Variants in CACNA1E observed in about 807,000 individuals in gnomAD.
CACNA1E encodes the protein calcium voltage-gated channel subunit alpha1 E.
Under a neutral mutation model 259.2 loss-of-function variants are expected in CACNA1E, and 40 were observed. The observed-to-expected ratio is 0.15, with a 90% CI of 0.12 to 0.20. CACNA1E has a LOEUF of 0.20. Among genes scored for constraint, CACNA1E ranks in the 10% least tolerant of loss-of-function variants. CACNA1E has a pLI of 1.00. For missense variants in CACNA1E, 1,874 were observed against 3,040.1 expected, an observed-to-expected ratio of 0.62 and a Z score of 9.02; for synonymous variants, 1,104 against 1,138.5, an observed-to-expected ratio of 0.97 and a Z score of 0.61.
intron 1 of CACNA1E, among the ~76,000 whole-genome samples, chr1:181,411,331 AGGT>A (rs1657825835): frequency 6.6e-6 from 1 of 152,196 alleles, no homozygotes; most frequent in South Asian, 2.1e-4. Context: ...TCACTTGGGC[AGGT>A]CCATGAGGCG....
At position 181,717,023 on chromosome 1, in the gene CACNA1E, C is replaced by T. The variant is rs1201304663; in HGVS notation, c.1316-70C>T. 2.9e-6 allele frequency: 4 copies of T among 1,365,766 alleles called. No individual in the cohort carries two copies. In the African/African-American group the frequency reaches 5.8e-5, roughly 20 times the overall value. 84.6% of individuals were successfully genotyped at this position (1,365,766 alleles called of 1,614,324 possible). On this transcript the variant is annotated intron_variant, in intron 10 of 47. Coordinates refer to ENST00000367573, the MANE Select transcript of CACNA1E (RefSeq NM_001205293.3). ...TGGGACTAGAGCAGCCCATCTTGCCCTTCGAATGCTCCCTGGCCCGGACCA... is the reference window on the plus strand; with the variant it reads ...TGGGACTAGAGCAGCCCATCTTGCCTTTCGAATGCTCCCTGGCCCGGACCA...
At chr1:181,583,012 C>CTATT (rs1351883758) in intron 6 of CACNA1E, among the ~76,000 whole-genome samples, 6 of 151,910 alleles carry the variant, frequency 3.9e-5, no homozygotes, top group Non-Finnish European at 8.8e-5. Flanking sequence ...AGGCCTCCTG[C>CTATT]TATTCTGATG....
intron 1 of CACNA1E, among the ~76,000 whole-genome samples, chr1:181,487,950 G>A (rs1391832756): frequency 6.6e-6 from 1 of 152,196 alleles, no homozygotes. Context: ...ACAGTAGGAA[G>A]GTCAAATATG....
intron 2 of CACNA1E, among the ~76,000 whole-genome samples, chr1:181,421,363 G>A (rs1046583778): frequency 6.6e-6 from 1 of 152,128 alleles, no homozygotes; most frequent in Non-Finnish European, 1.5e-5. Flanking sequence ...TAGTCTGGTG[G>A]GGGGTCCTCA....
intron 6 of CACNA1E, among the ~76,000 whole-genome samples, chr1:181,648,485 C>G (rs1392956083): frequency 2.0e-5 from 3 of 152,114 alleles, no homozygotes; most frequent in African/African-American, 2.4e-5. Flanking sequence ...GAGGGTTTCA[C>G]TATGATCAAA....
chr1:181,694,480 G>A (rs1268665657), intron 7 of CACNA1E, among the ~76,000 whole-genome samples: 24 of 152,278 alleles, frequency 1.6e-4, no homozygotes, highest in South Asian at 2.1e-4. Context: ...CTCTGCCCTC[G>A]TGAATGGATT....
intron 1 of CACNA1E, among the ~76,000 whole-genome samples, chr1:181,408,728 T>C (rs1055628404): frequency 1.3e-5 from 2 of 152,304 alleles, no homozygotes; most frequent in Admixed American, 6.5e-5. Flanking sequence ...TAACCAAACT[T>C]AGCAATGAAG....
At chr1:181,564,297 T>G (rs1649605440) in intron 3 of CACNA1E, among the ~76,000 whole-genome samples, 1 of 152,226 alleles carries the variant, frequency 6.6e-6, no homozygotes, top group African/African-American at 2.4e-5. Flanking sequence ...ACTAATTTCA[T>G]GTAATATTAT....
intron 6 of CACNA1E, among the ~76,000 whole-genome samples, chr1:181,622,701 T>A (rs1655835844): frequency 6.6e-6 from 1 of 152,164 alleles, no homozygotes; most frequent in South Asian, 2.1e-4. Context: ...GGCCTTGGGG[T>A]GAATTTTGGT....
upstream of CACNA1E, among the ~76,000 whole-genome samples, chr1:181,482,819 C>T (rs1663399069): frequency 1.3e-5 from 2 of 151,538 alleles, no homozygotes; most frequent in African/African-American, 4.9e-5. Context: ...GTGCTCGCCG[C>T]CCGCCCGCTC....
intron 18 of CACNA1E, among the ~76,000 whole-genome samples, chr1:181,730,386 T>G (rs964097944): frequency 1.3e-5 from 2 of 152,254 alleles, no homozygotes; most frequent in African/African-American, 4.8e-5. Context: ...GACAGCTTAT[T>G]TACCAGGCAT....
At chr1:181,608,497 G>C (rs423779) in intron 6 of CACNA1E, among the ~76,000 whole-genome samples, 129,364 of 152,130 alleles carry the variant, frequency 0.85, 56,041 homozygotes, top group East Asian at 0.98. Context: ...ATTATGAAAA[G>C]TGTCTGGAGA....
intron 6 of CACNA1E, among the ~76,000 whole-genome samples, chr1:181,620,907 A>G (rs1396521255): frequency 6.6e-6 from 1 of 152,208 alleles, no homozygotes; most frequent in Non-Finnish European, 1.5e-5. Flanking sequence ...CAGGTTGTAC[A>G]TAAACAACTC....
chr1:181,512,169 G>A (rs1370564290), intron 3 of CACNA1E, among the ~76,000 whole-genome samples: 1 of 152,232 alleles, frequency 6.6e-6, no homozygotes, highest in Non-Finnish European at 1.5e-5. Context: ...TCATTCTTTT[G>A]GAAATGAATA....
intron 6 of CACNA1E, among the ~76,000 whole-genome samples, chr1:181,582,890 A>G (rs745627687): frequency 6.6e-6 from 1 of 151,992 alleles, no homozygotes; most frequent in African/African-American, 2.4e-5. Context: ...GAGGGAGGGG[A>G]GGAGATCAAG....
chr1:181,385,799 C>T (rs1655801329), intron 1 of CACNA1E, among the ~76,000 whole-genome samples: 1 of 151,278 alleles, frequency 6.6e-6, no homozygotes, highest in East Asian at 1.9e-4. Context: ...TCCCTCCCTC[C>T]CTCCCTCCGT....
intron 2 of CACNA1E, among the ~76,000 whole-genome samples, chr1:181,434,768 A>G (rs574150962): frequency 6.6e-6 from 1 of 152,340 alleles, no homozygotes; most frequent in African/African-American, 2.4e-5. Flanking sequence ...CCACCTGGTC[A>G]GGGAACACTT....
intron 4 of CACNA1E, 92 bp downstream of exon 4, chr1:181,577,961 C>T: frequency 1.3e-6 from 1 of 768,248 alleles, no homozygotes; most frequent in Non-Finnish European, 2.2e-6. Context: ...GATAAACAAA[C>T]AATATTCCTC....
chr1:181,450,931 G>A (rs1195890842), intron 2 of CACNA1E, among the ~76,000 whole-genome samples: 2 of 152,172 alleles, frequency 1.3e-5, no homozygotes, highest in African/African-American at 2.4e-5. Context: ...CAAAGAGTAG[G>A]ACTTTGTGAT....
Sources: gnomAD v4.1 joint callset for allele counts (sites outside exome capture counted in the v4.1 genomes callset) on GRCh38, gnomAD v4.1.1 for gene constraint, MANE v1.5 for transcripts, NCBI Gene and HGNC (gene_info 2026-07-23, HGNC 2026-07-21) for gene names.